Variants in TRIM36 observed in about 807,000 individuals in gnomAD.
The protein encoded by TRIM36 is E3 ubiquitin-protein ligase TRIM36.
TRIM36 carries 42 observed loss-of-function variants against 72.4 expected under a neutral mutation model. That is an observed-to-expected ratio of 0.58 (90% CI 0.45 to 0.75). The LOEUF is 0.75. Among genes scored for constraint, TRIM36 ranks in the 30% least tolerant of loss-of-function variants. The pLI, the probability that TRIM36 is intolerant of heterozygous loss-of-function variation, is 0.00. For synonymous variants in TRIM36, 315 were observed against 282.8 expected (o/e 1.11, Z -1.14); for missense variants, 913 against 857.1 (o/e 1.07, Z -0.81).
upstream of TRIM36, chr5:115,170,010 G>C (rs935480935): frequency 9.3e-7 from 1 of 1,070,996 alleles, no homozygotes; most frequent in African/African-American, 1.7e-5. Context: ...TCGCACAAAA[G>C]AGGCGGGGCC....
At chr5:115,171,685 G>T (rs538847656), upstream of TRIM36, among the ~76,000 whole-genome samples, 1 of 152,250 alleles carries the variant, frequency 6.6e-6, no homozygotes, top group Admixed American at 6.5e-5. Flanking sequence ...ACAATATTTT[G>T]GTGAAAATAC....
chr5:115,157,361 G>A (rs376542295), intron 2 of TRIM36, among the ~76,000 whole-genome samples: 9 of 152,180 alleles, frequency 5.9e-5, no homozygotes, highest in South Asian at 2.1e-4. Flanking sequence ...TCAACAGTTC[G>A]AGACCAGCCT....
chr5:115,149,880 T>C (rs1018394821), intron 2 of TRIM36, among the ~76,000 whole-genome samples: 4 of 152,058 alleles, frequency 2.6e-5, no homozygotes, highest in Admixed American at 2.0e-4. Context: ...TGCCTCAGCC[T>C]CCCGAGTAGC....
intron 5 of TRIM36, 60 bp downstream of exon 5, chr5:115,141,219 G>A (rs750075329): frequency 7.5e-5 from 92 of 1,221,826 alleles, no homozygotes; most frequent in Non-Finnish European, 1.0e-4. Context: ...ATGAACAAAT[G>A]AATGAATGTC....
intron 9 of TRIM36, among the ~76,000 whole-genome samples, chr5:115,127,081 A>G (rs935569057): frequency 1.3e-5 from 2 of 152,238 alleles, no homozygotes; most frequent in African/African-American, 4.8e-5. Context: ...TTAGTTATAT[A>G]CAGAAGTGAA....
At chr5:115,165,288 G>A (rs958524440) in intron 1 of TRIM36, among the ~76,000 whole-genome samples, 1 of 152,208 alleles carries the variant, frequency 6.6e-6, no homozygotes, top group Non-Finnish European at 1.5e-5. Flanking sequence ...CTGTGTGGCG[G>A]CTTATATCTC....
intron 2 of TRIM36, among the ~76,000 whole-genome samples, chr5:115,154,917 C>T (rs568283294): frequency 7.9e-5 from 12 of 152,070 alleles, no homozygotes; most frequent in African/African-American, 1.2e-4. Context: ...TGGTGGCTCA[C>T]GATTGTAATC....
At chr5:115,156,786 G>A (rs1754198495) in intron 2 of TRIM36, among the ~76,000 whole-genome samples, 1 of 152,182 alleles carries the variant, frequency 6.6e-6, no homozygotes, top group Non-Finnish European at 1.5e-5. Context: ...GAAGCCAAAA[G>A]CAAATGCAAT....
In TRIM36 at chr5:115,141,340, C is replaced by T. The variant is rs769924762; in HGVS notation, c.770G>A (p.Gly257Asp). Reference sequence around the variant, plus strand: ...TTGACTCTTCACCTGGCTTTCCTTACCAATAAGGTAATCAATATCCTTTGA... The same window carrying T: ...TTGACTCTTCACCTGGCTTTCCTTATCAATAAGGTAATCAATATCCTTTGA... ...KLSKDIDYLI[G>D]KESQVKSQIS... is the part of the protein sequence containing the mutation. The change falls in exon 5 of 10, where the codon GGT becomes GAT. Residue 257 changes from glycine to aspartate, a missense_variant. Physicochemically the swap from Gly to Asp is moderately conservative, Grantham distance 94. Transcript: ENST00000513154. The T allele has an allele frequency of 6.2e-7, 1 of 1,603,758 alleles. No homozygotes were observed. Among genetic ancestry groups the T allele is most frequent in the South Asian group, 1.1e-5 (1 of 88,652 alleles).
chr5:115,144,068 G>A (rs1334585460), intron 4 of TRIM36, among the ~76,000 whole-genome samples: 1 of 151,928 alleles, frequency 6.6e-6, no homozygotes, highest in Non-Finnish European at 1.5e-5. Flanking sequence ...TAGAGATGGG[G>A]TTTCACCGTG....
At chr5:115,161,571 A>T (rs1754483828) in intron 2 of TRIM36, among the ~76,000 whole-genome samples, 1 of 152,244 alleles carries the variant, frequency 6.6e-6, no homozygotes, top group Admixed American at 6.5e-5. Context: ...TTTAAAAAAC[A>T]GATTTCACAT....
Position 115,163,610 on chromosome 5 carries a change from T to A in TRIM36, c.170A>T (p.Asn57Ile). 1 of 1,614,220 alleles carries A rather than the reference T, an allele frequency of 6.2e-7. No homozygotes were observed. Among genetic ancestry groups the A allele is most frequent in the South Asian group, 1.1e-5 (1 of 91,084 alleles). The change falls in exon 2 of 10, where the codon AAC becomes ATC. Residue 57 changes from asparagine to isoleucine, a missense_variant. Coordinates refer to ENST00000513154, the MANE Select transcript of TRIM36 (RefSeq NM_001300759.2). ...ELLLTLDDSFNDVGSDNSNQS... is the reference protein window; with the variant it reads ...ELLLTLDDSFIDVGSDNSNQS... ...ATTGGAGTTGTCTGATCCCACATCG[T>A]TGAATGAATCATCGAGAGTCAGCAG... is the stretch of plus-strand genomic sequence containing the variant.
At position 115,127,480 on chromosome 5, in the gene TRIM36, G is replaced by A. The variant is rs140869818; in HGVS notation, c.1797-623C>T. 3.5e-3 allele frequency among the ~76,000 whole-genome samples: 530 copies of A among 152,304 alleles called. 1 individual carries two copies. Among genetic ancestry groups the A allele is most frequent in the African/African-American group, 0.012 (512 of 41,566 alleles). ...GGAGGCTGAGGCATAAGAATCACTT[G>A]AACCCAGGAAGCAGAAGTTGCAGTG... On this transcript the variant is annotated intron_variant, in intron 9 of 9. Transcript: ENST00000513154.
chr5:115,145,870 A>G (rs1753564588), intron 3 of TRIM36, among the ~76,000 whole-genome samples: 1 of 152,242 alleles, frequency 6.6e-6, no homozygotes, highest in Non-Finnish European at 1.5e-5. Context: ...AAGTTTGTCC[A>G]TCTGCAAGAA....
chr5:115,138,532 T>G (rs1399930857), intron 5 of TRIM36, among the ~76,000 whole-genome samples: 1 of 152,214 alleles, frequency 6.6e-6, no homozygotes, highest in Non-Finnish European at 1.5e-5. Context: ...GCTAATCATT[T>G]CACTTCTCTT....
intron 1 of TRIM36, among the ~76,000 whole-genome samples, chr5:115,179,238 C>T (rs1755493805): frequency 1.3e-5 from 2 of 152,200 alleles, no homozygotes; most frequent in Non-Finnish European, 2.9e-5. Flanking sequence ...GCCCAGCCTC[C>T]CGCACTGACT....
chr5:115,178,538 G>T (rs1276658312), intron 1 of TRIM36, among the ~76,000 whole-genome samples: 1 of 152,168 alleles, frequency 6.6e-6, no homozygotes, highest in Non-Finnish European at 1.5e-5. Flanking sequence ...AGGGAAGGGT[G>T]GGCCGCAATA....
rs1042320459 is a variant in TRIM36, at chr5:115,134,076, G to A, written c.1282C>T (p.Pro428Ser). The stretch of plus-strand genomic sequence containing the variant: ...TAGCTATCAGCTTTATCCTTTTCTG[G>A]ATGGTGCCAATTTATCAAGGCATTG... ...YNNALINWHH[P>S]EKDKADSYVL... is the part of the protein sequence containing the mutation. The change falls in exon 8 of 10, where the codon CCA becomes TCA. Residue 428 changes from proline (P) to serine (S), a missense_variant. Physicochemically the swap from Pro to Ser is moderately conservative, Grantham distance 74. Transcript: ENST00000513154. The A allele has an allele frequency of 6.2e-7, 1 of 1,612,936 alleles. No homozygotes were observed. Among genetic ancestry groups the A allele is most frequent in the East Asian group, 2.2e-5 (1 of 44,732 alleles).
At chr5:115,156,464 T>C (rs1275504259) in intron 2 of TRIM36, among the ~76,000 whole-genome samples, 1 of 152,098 alleles carries the variant, frequency 6.6e-6, no homozygotes, top group African/African-American at 2.4e-5. Flanking sequence ...GGTATAAAAA[T>C]AGGCACATAG....
Sources: allele counts gnomAD v4.1 joint callset (sites outside exome capture counted in the v4.1 genomes callset), GRCh38; gene constraint gnomAD v4.1.1; transcripts MANE v1.5; gene names NCBI Gene and HGNC (gene_info 2026-07-23, HGNC 2026-07-21).